Variants in JARID2 observed in about 807,000 individuals in gnomAD.
JARID2 encodes jumonji and AT-rich interaction domain containing 2, also known as protein Jumonji.
Under a neutral mutation model 125.6 loss-of-function variants are expected in JARID2, and 21 were observed. The ratio of observed to expected loss-of-function variants is 0.17; its 90% confidence interval spans 0.12 to 0.24. The LOEUF (loss-of-function observed/expected upper bound fraction) is 0.24. JARID2 is among the 10% of genes least tolerant of loss of function. The probability of loss-of-function intolerance (pLI) is 1.00; values close to 1 mark genes in which losing one functional copy is unlikely to be tolerated. For synonymous variants in JARID2, 736 were observed against 661.6 expected, an observed-to-expected ratio of 1.11 and a Z score of -1.73; for missense variants, 1,303 against 1,639.6, an observed-to-expected ratio of 0.79 and a Z score of 3.55.
rs145504603 is a variant in JARID2, at chr6:15,281,659, A to G, written c.45+35075A>G. Among the ~76,000 whole-genome samples the G allele has an allele frequency of 4.0e-3, 609 of 152,312 alleles. 4 individuals carry two copies. Among genetic ancestry groups the G allele is most frequent in the Middle Eastern group, 0.017 (5 of 294 alleles). Reference sequence around the variant, plus strand: ...CCTGTGATTTAGCTTTTTCTCACGTAACAATATCTCAAAGATCTTTCCATG... The same window carrying G: ...CCTGTGATTTAGCTTTTTCTCACGTGACAATATCTCAAAGATCTTTCCATG... On this transcript the variant is annotated intron_variant, in intron 1 of 17. Coordinates refer to ENST00000341776, the MANE Select transcript of JARID2 (RefSeq NM_004973.4).
chr6:15,466,215 T>G (rs949648965), intron 4 of JARID2, among the ~76,000 whole-genome samples: 11 of 152,144 alleles, frequency 7.2e-5, no homozygotes, highest in African/African-American at 2.7e-4. Context: ...CCTCTTGAAA[T>G]ACATGCCTGT....
chr6:15,424,628 T>C (rs1260035090), intron 3 of JARID2, among the ~76,000 whole-genome samples: 8 of 152,030 alleles, frequency 5.3e-5, no homozygotes, highest in Non-Finnish European at 8.8e-5. Context: ...GGGGCTGAGT[T>C]GGGCGGATCA....
At chr6:15,364,578 G>C (rs137967838) in intron 1 of JARID2, among the ~76,000 whole-genome samples, 2 of 152,152 alleles carry the variant, frequency 1.3e-5, no homozygotes, top group Non-Finnish European at 2.9e-5. Flanking sequence ...TGTATGAGTG[G>C]ATGTCTGCAC....
intron 3 of JARID2, among the ~76,000 whole-genome samples, chr6:15,429,544 C>T (rs551151832): frequency 6.6e-6 from 1 of 152,218 alleles, no homozygotes; most frequent in Admixed American, 6.5e-5. Flanking sequence ...GCTGAGATTA[C>T]AGACCTGAGC....
chr6:15,253,273 C>G lies in JARID2; in HGVS notation c.45+6689C>G, dbSNP rs143273549. On this transcript the variant is annotated intron_variant, in intron 1 of 17. Transcript: ENST00000341776. Reference sequence around the variant, plus strand: ...AAAGACGGGGTTTCACTATGTTGGCCAGGCTGGTATTGAACTCCTGACCTC... The same window carrying G: ...AAAGACGGGGTTTCACTATGTTGGCGAGGCTGGTATTGAACTCCTGACCTC... Among the ~76,000 whole-genome samples, 784 of 152,230 alleles carry G rather than the reference C, an allele frequency of 5.2e-3. 9 individuals are homozygous for G. Among genetic ancestry groups the G allele is most frequent in the African/African-American group, 0.017 (724 of 41,530 alleles).
intron 1 of JARID2, among the ~76,000 whole-genome samples, chr6:15,269,276 T>TG (rs201914982): frequency 0.01 from 1,575 of 151,796 alleles, 18 homozygotes; most frequent in African/African-American, 0.033. Context: ...GCATTCTTGT[T>TG]GGGGGGGGCG....
chr6:15,341,668 C>G (rs935763699), intron 1 of JARID2, among the ~76,000 whole-genome samples: 1 of 152,122 alleles, frequency 6.6e-6, no homozygotes, highest in African/African-American at 2.4e-5. Context: ...AGTAAGTTTG[C>G]CACCTATTGT....
intron 1 of JARID2, among the ~76,000 whole-genome samples, chr6:15,328,232 G>A (rs774054713): frequency 6.6e-6 from 1 of 152,128 alleles, no homozygotes; most frequent in Non-Finnish European, 1.5e-5. Context: ...AAAGTCACCT[G>A]TATGGAATTC....
intron 3 of JARID2, among the ~76,000 whole-genome samples, chr6:15,412,411 C>G (rs1011193464): frequency 6.6e-6 from 1 of 152,074 alleles, no homozygotes; most frequent in African/African-American, 2.4e-5. Flanking sequence ...TGGGTTCAAG[C>G]GATTCTCATG....
intron 1 of JARID2, among the ~76,000 whole-genome samples, chr6:15,292,064 T>C (rs1761238544): frequency 6.6e-6 from 1 of 152,172 alleles, no homozygotes; most frequent in African/African-American, 2.4e-5. Flanking sequence ...TCGCCCAAGC[T>C]GGAATGCAGT....
intron 1 of JARID2, among the ~76,000 whole-genome samples, chr6:15,366,426 G>A (rs1288432514): frequency 6.8e-6 from 1 of 146,236 alleles, no homozygotes; most frequent in Non-Finnish European, 1.5e-5. Context: ...TTGGAGTCAG[G>A]AAAAGCACTT....
chr6:15,283,528 GAGACGGGATTTC>G (rs1177019702), intron 1 of JARID2, among the ~76,000 whole-genome samples: 3 of 147,622 alleles, frequency 2.0e-5, no homozygotes, highest in Non-Finnish European at 4.5e-5. Context: ...ATTTTTATTA[GAGACGGGATTTC>G]ACCGTGTTAG....
At chr6:15,477,696 G>A (rs1053975287) in intron 5 of JARID2, among the ~76,000 whole-genome samples, 8 of 151,974 alleles carry the variant, frequency 5.3e-5, no homozygotes, top group African/African-American at 1.9e-4. Context: ...TTCTGTTTTA[G>A]TTTTCTTATC....
Position 15,511,370 on chromosome 6 carries a change from C to A in JARID2, c.2921C>A (p.Pro974Gln). ...VHTLLQANGTPGLQMLESNVM... is the reference protein window; with the variant it reads ...VHTLLQANGTQGLQMLESNVM... ...ACCCTGCTGCAAGCCAATGGCACCCCAGGGCTGCAGATGCTGGAAAGCAAC... is the reference window on the plus strand; with the variant it reads ...ACCCTGCTGCAAGCCAATGGCACCCAAGGGCTGCAGATGCTGGAAAGCAAC... The change falls in exon 13 of 18, where the codon CCA becomes CAA. Residue 974 changes from proline to glutamine, a missense_variant. Coordinates refer to ENST00000341776, the MANE Select transcript of JARID2 (RefSeq NM_004973.4). 6.2e-7 allele frequency: 1 copy of A among 1,613,766 alleles called. No homozygotes were observed. Among genetic ancestry groups the A allele is most frequent in the Non-Finnish European group, 8.5e-7 (1 of 1,179,940 alleles).
intron 12 of JARID2, 82 bp downstream of exon 12, chr6:15,508,536 T>G: frequency 2.5e-6 from 2 of 794,668 alleles, no homozygotes; most frequent in Non-Finnish European, 4.5e-6. Flanking sequence ...GGTAACTTCT[T>G]GTCCAGGTGG....
chr6:15,418,216 C>CTTT (rs56801667), intron 3 of JARID2, among the ~76,000 whole-genome samples: 10 of 117,812 alleles, frequency 8.5e-5, no homozygotes, highest in East Asian at 2.4e-4. Context: ...CTATATTCCT[C>CTTT]TTTTTTTTTT....
intron 14 of JARID2, 82 bp from the exon 15 acceptor site, chr6:15,512,833 G>A (rs1771343646): frequency 7.5e-7 from 1 of 1,340,624 alleles, no homozygotes; most frequent in Non-Finnish European, 1.0e-6. Flanking sequence ...CAGACAGCCT[G>A]CCTGCCCCCT....
intron 1 of JARID2, among the ~76,000 whole-genome samples, chr6:15,272,186 T>G (rs1167687238): frequency 2.6e-5 from 4 of 152,264 alleles, no homozygotes; most frequent in African/African-American, 7.2e-5. Context: ...TTGTAAGGCT[T>G]GAGCATTGCT....
chr6:15,321,979 GACGGGGTTTC>G (rs967562075), intron 1 of JARID2, among the ~76,000 whole-genome samples: 7 of 151,868 alleles, frequency 4.6e-5, no homozygotes, highest in African/African-American at 1.7e-4. Context: ...TTTTACTAGA[GACGGGGTTTC>G]ACCATGTTGG....
Sources: allele counts gnomAD v4.1 joint callset (sites outside exome capture counted in the v4.1 genomes callset), GRCh38; gene constraint gnomAD v4.1.1; transcripts MANE v1.5; gene names NCBI Gene and HGNC (gene_info 2026-07-23, HGNC 2026-07-21).